The following ERBB4 variants were observed in gnomAD, a reference collection of about 807,000 sequenced individuals.
ERBB4 encodes the protein receptor tyrosine-protein kinase erbB-4.
Under a neutral mutation model 158.0 loss-of-function variants are expected in ERBB4, and 42 were observed. That is an observed-to-expected ratio of 0.27 (90% CI 0.21 to 0.34). The LOEUF is 0.34. Ranked by LOEUF, ERBB4 falls within the 10% of genes least tolerant of loss-of-function variation. The probability of loss-of-function intolerance (pLI) is 1.00; values close to 1 mark genes in which losing one functional copy is unlikely to be tolerated. For synonymous variants in ERBB4, 583 were observed against 558.7 expected, an observed-to-expected ratio of 1.04 and a Z score of -0.61; for missense variants, 1,333 against 1,624.1, an observed-to-expected ratio of 0.82 and a Z score of 3.08.
chr2:211,534,234 T>C (rs763166676), intron 20 of ERBB4, among the ~76,000 whole-genome samples: 16 of 152,108 alleles, frequency 1.1e-4, no homozygotes, highest in South Asian at 2.1e-4. Flanking sequence ...CCTTTCTTCA[T>C]AGCATTGAGA....
At position 212,433,495 on chromosome 2, in the gene ERBB4, C is replaced by T. The variant is rs185541430; in HGVS notation, c.82+104954G>A. 3.2e-3 allele frequency among the ~76,000 whole-genome samples: 481 copies of T among 151,896 alleles called. 4 individuals are homozygous for T. Among genetic ancestry groups the T allele is most frequent in the African/African-American group, 0.011 (454 of 41,492 alleles). On this transcript the variant is annotated intron_variant, in intron 1 of 27. Coordinates refer to ENST00000342788, the MANE Select transcript of ERBB4 (RefSeq NM_005235.3). ...TTCAATCACCTGTATTTTTATAGATCGAAAAATATTCACATTTAAAAATTG... is the reference window on the plus strand; with the variant it reads ...TTCAATCACCTGTATTTTTATAGATTGAAAAATATTCACATTTAAAAATTG...
At chr2:212,483,608 C>T (rs926186711) in intron 1 of ERBB4, among the ~76,000 whole-genome samples, 10 of 152,226 alleles carry the variant, frequency 6.6e-5, no homozygotes, top group African/African-American at 1.2e-4. Context: ...AATGTTTTCT[C>T]TTCTCTTTGT....
At chr2:212,483,188 T>C (rs561290638) in intron 1 of ERBB4, among the ~76,000 whole-genome samples, 8 of 152,330 alleles carry the variant, frequency 5.3e-5, no homozygotes, top group African/African-American at 1.9e-4. Flanking sequence ...CTTCTATCCC[T>C]GTCTTCCTGT....
chr2:211,899,552 T>A (rs2079181347), intron 3 of ERBB4, among the ~76,000 whole-genome samples: 1 of 152,144 alleles, frequency 6.6e-6, no homozygotes. Flanking sequence ...AATACTTTCT[T>A]GTCAAGCAGA....
intron 1 of ERBB4, among the ~76,000 whole-genome samples, chr2:212,401,141 C>A (rs2091191650): frequency 6.6e-6 from 1 of 152,112 alleles, no homozygotes; most frequent in Admixed American, 6.6e-5. Context: ...GTATTCATTT[C>A]TGCTTTCACT....
chr2:212,106,420 T>C (rs947525218), intron 2 of ERBB4, among the ~76,000 whole-genome samples: 3 of 152,166 alleles, frequency 2.0e-5, no homozygotes, highest in African/African-American at 7.2e-5. Flanking sequence ...TAATTTAGGG[T>C]ATCTGGTGGA....
chr2:212,052,467 C>A (rs753162517), intron 2 of ERBB4, among the ~76,000 whole-genome samples: 8 of 152,176 alleles, frequency 5.3e-5, no homozygotes, highest in Non-Finnish European at 8.8e-5. Context: ...ACACATCTAT[C>A]CTACTAGTTC....
intron 3 of ERBB4, among the ~76,000 whole-genome samples, chr2:211,854,754 T>C (rs1365861879): frequency 6.6e-6 from 1 of 152,144 alleles, no homozygotes; most frequent in Non-Finnish European, 1.5e-5. Flanking sequence ...ATTTAGGTTG[T>C]TAGCACCAAT....
chr2:211,942,269 T>C (rs2080520987), intron 3 of ERBB4, among the ~76,000 whole-genome samples: 1 of 152,120 alleles, frequency 6.6e-6, no homozygotes, highest in Non-Finnish European at 1.5e-5. Flanking sequence ...AAGTGTAATG[T>C]TCAGATATCA....
intron 1 of ERBB4, among the ~76,000 whole-genome samples, chr2:212,275,500 G>C (rs1022861300): frequency 6.6e-6 from 1 of 151,842 alleles, no homozygotes; most frequent in Non-Finnish European, 1.5e-5. Context: ...TTGTGGTTTT[G>C]ATTTGCATTT....
intron 8 of ERBB4, among the ~76,000 whole-genome samples, chr2:211,713,112 A>G (rs1412240059): frequency 6.6e-6 from 1 of 152,138 alleles, no homozygotes; most frequent in African/African-American, 2.4e-5. Flanking sequence ...TACATTTTCA[A>G]GATCTGGAAA....
intron 3 of ERBB4, among the ~76,000 whole-genome samples, chr2:211,901,723 A>G (rs893698858): frequency 2.0e-5 from 3 of 152,178 alleles, no homozygotes; most frequent in African/African-American, 7.2e-5. Flanking sequence ...TTGTCAAGGA[A>G]AATTGACAGC....
chr2:211,566,528 A>G (rs924599656), intron 19 of ERBB4, among the ~76,000 whole-genome samples: 2 of 152,322 alleles, frequency 1.3e-5, no homozygotes, highest in African/African-American at 4.8e-5. Context: ...GTATCTCAGT[A>G]AACATTTGAA....
At chr2:211,395,331 C>T (rs2062888799) in intron 25 of ERBB4, among the ~76,000 whole-genome samples, 1 of 152,048 alleles carries the variant, frequency 6.6e-6, no homozygotes, top group Admixed American at 6.5e-5. Flanking sequence ...GACTCTGACA[C>T]TCTGAGAGGT....
intron 19 of ERBB4, among the ~76,000 whole-genome samples, chr2:211,609,675 C>G (rs1041500546): frequency 4.6e-5 from 7 of 152,138 alleles, no homozygotes; most frequent in African/African-American, 1.7e-4. Flanking sequence ...CCCACAGTAG[C>G]TAGGACTACA....
intron 19 of ERBB4, among the ~76,000 whole-genome samples, chr2:211,577,203 G>C (rs903481798): frequency 1.3e-5 from 2 of 152,092 alleles, no homozygotes; most frequent in Non-Finnish European, 2.9e-5. Context: ...TGGCATGCAT[G>C]GGGAATACAA....
intron 12 of ERBB4, among the ~76,000 whole-genome samples, chr2:211,695,261 C>A (rs1433900798): frequency 6.6e-6 from 1 of 152,104 alleles, no homozygotes; most frequent in Non-Finnish European, 1.5e-5. Flanking sequence ...CAGTTATTAG[C>A]AATTAACTAT....
chr2:211,425,480 T>TTTAA (rs1237569735), intron 22 of ERBB4, among the ~76,000 whole-genome samples: 1 of 152,052 alleles, frequency 6.6e-6, no homozygotes, highest in Non-Finnish European at 1.5e-5. Context: ...CTAGTGACAA[T>TTTAA]TTAATTGACT....
At chr2:211,714,508 T>C (rs1323229698) in intron 7 of ERBB4, among the ~76,000 whole-genome samples, 1 of 152,192 alleles carries the variant, frequency 6.6e-6, no homozygotes, top group Non-Finnish European at 1.5e-5. Flanking sequence ...ACTTGGGCCA[T>C]AAAACCCAAG....
Sources: allele counts gnomAD v4.1 joint callset (sites outside exome capture counted in the v4.1 genomes callset), GRCh38; gene constraint gnomAD v4.1.1; transcripts MANE v1.5; gene names NCBI Gene and HGNC (gene_info 2026-07-23, HGNC 2026-07-21).